The following SLC49A3 variants were observed in gnomAD, a reference collection of about 807,000 sequenced individuals.
SLC49A3 encodes solute carrier family 49 member 3, also known as solute carrier family 49 member A3.
SLC49A3 carries 50 observed loss-of-function variants against 43.8 expected under a neutral mutation model. The observed-to-expected ratio is 1.14, with a 90% confidence interval of 0.91 to 1.45. The LOEUF is 1.45. Ranked by LOEUF, SLC49A3 falls within the 40% of genes most tolerant of loss-of-function variation. SLC49A3 has a pLI of 0.00. For missense variants in SLC49A3, 906 were observed against 774.1 expected, an observed-to-expected ratio of 1.17 and a Z score of -2.02; for synonymous variants, 413 against 352.0, an observed-to-expected ratio of 1.17 and a Z score of -1.94.
In SLC49A3 at chr4:682,289, G is replaced by A. The variant is rs750157389; in HGVS notation, c.1349C>T (p.Ala450Val). Reference protein sequence around the residue: ...FFHTPYRRLQAESGEPPSTRN... With the variant: ...FFHTPYRRLQVESGEPPSTRN... ...GGTGGAGGGGGGCTCCCCAGACTCG[G>A]CCTGCAGGCGCCGGTATGGGGTGTG... is the stretch of plus-strand genomic sequence containing the variant. The change falls in exon 10 of 10, where the codon GCC (alanine) becomes GTC (valine). Residue 450 changes from alanine (A) to valine (V), a missense_variant. Transcript: ENST00000322224. 1 of 1,350,592 alleles carries A rather than the reference G, an allele frequency of 7.4e-7. No individual in the cohort carries two copies. Among genetic ancestry groups the A allele is most frequent in the South Asian group, 2.1e-5 (1 of 48,274 alleles). The allele number at this position is 1,350,592 out of a possible 1,614,324, so 83.7% of individuals were successfully genotyped here. A position where few individuals can be genotyped will look rare whatever the true frequency, so the allele number is the denominator to read the frequency against.
At chr4:680,211 G>A (rs529002295), downstream of SLC49A3, among the ~76,000 whole-genome samples, 6 of 152,166 alleles carry the variant, frequency 3.9e-5, no homozygotes, top group South Asian at 2.1e-4. Context: ...CCTGCCCCAC[G>A]TGCTGTGTGA....
rs1740363767 is a variant in SLC49A3 at position 683,730 on chromosome 4, A to T, written c.872T>A (p.Ile291Asn). ...GFSGLCGALF[I>N]TFGILGALAL... is the part of the protein sequence containing the mutation. ...CAGTGCCCCCAGGATCCCAAACGTGATGAAGAGAGCGCCACAGAGGCCGGA... is the reference window on the plus strand; with the variant it reads ...CAGTGCCCCCAGGATCCCAAACGTGTTGAAGAGAGCGCCACAGAGGCCGGA... Residue 291 changes from isoleucine to asparagine, a missense_variant, in exon 7 of 10, where the codon ATC (isoleucine) becomes AAC (asparagine). Ile to Asn is a moderately radical substitution (Grantham distance 149). Transcript: ENST00000322224. The T allele has an allele frequency of 6.3e-7, 1 of 1,584,972 alleles. No homozygotes were observed. The highest frequency in any genetic ancestry group is 1.3e-5 in the African/African-American group (1 of 74,492).
chr4:679,200 C>A (rs760572948), downstream of SLC49A3: 121 of 748,992 alleles, frequency 1.6e-4, no homozygotes, highest in Non-Finnish European at 2.8e-5. Flanking sequence ...CCCTTGGTTC[C>A]ATCAGAGCTG....
intron 2 of SLC49A3, 80 bp downstream of exon 2, chr4:686,452 G>A: frequency 6.4e-7 from 1 of 1,568,096 alleles, no homozygotes; most frequent in South Asian, 1.2e-5. Flanking sequence ...CCCCGGTCTG[G>A]GGAGGCCTTG....
chr4:684,477 G>T lies in SLC49A3; in HGVS notation c.840+6C>A. The T allele has an allele frequency of 6.2e-7, 1 of 1,612,650 alleles. No homozygotes were observed. On this transcript the variant is annotated splice_donor_region_variant and intron_variant, in intron 6 of 9. Transcript: ENST00000322224. ...GCAGGGTCCCCAGGGGTGGGGCCAG[G>T]CTCACACTGGAGTGGCCGCTTGCAC... is the stretch of plus-strand genomic sequence containing the variant.
chr4:690,086 C>T (rs1032842830), upstream of SLC49A3, among the ~76,000 whole-genome samples: 3 of 152,244 alleles, frequency 2.0e-5, no homozygotes, highest in Admixed American at 6.5e-5. Flanking sequence ...AAACATTCAT[C>T]TCCTTTGCCA....
chr4:680,689 C>G, downstream of SLC49A3: 1 of 1,220,200 alleles, frequency 8.2e-7, no homozygotes, highest in Non-Finnish European at 1.2e-6. Context: ...ACGCCCACCT[C>G]CCCACCTCTG....
At chr4:677,156 C>T (rs975503731), downstream of SLC49A3, among the ~76,000 whole-genome samples, 17 of 152,220 alleles carry the variant, frequency 1.1e-4, no homozygotes, top group African/African-American at 2.4e-5. Context: ...CACGCAGACG[C>T]AGGCCTGGGG....
At chr4:690,689 G>T (rs936827843), upstream of SLC49A3, among the ~76,000 whole-genome samples, 3 of 152,188 alleles carry the variant, frequency 2.0e-5, no homozygotes, top group South Asian at 6.2e-4. Context: ...TCTGTTGAGC[G>T]TGCATTGTCG....
At chr4:680,321 C>T (rs113409529), downstream of SLC49A3, among the ~76,000 whole-genome samples, 2 of 152,318 alleles carry the variant, frequency 1.3e-5, no homozygotes, top group African/African-American at 2.4e-5. Context: ...CACCCCAGGG[C>T]AGGAGTGCCC....
At chr4:678,670 A>G (rs199844275), downstream of SLC49A3, 134 of 1,609,058 alleles carry the variant, frequency 8.3e-5, no homozygotes, top group Non-Finnish European at 9.8e-5. Flanking sequence ...CAGCAGGAAG[A>G]CCAAGAAGAA....
Position 681,878 on chromosome 4 carries a change from C to A in SLC49A3, c.*80G>T, listed in dbSNP as rs759271484. 9 of 1,311,784 alleles carry A rather than the reference C, an allele frequency of 6.9e-6. No individual in the cohort carries two copies. The South Asian group carries it at 1.2e-4, about 17-fold the overall frequency. 81.3% of individuals were successfully genotyped at this position (1,311,784 alleles called of 1,614,324 possible). A position where few individuals can be genotyped will look rare whatever the true frequency, so the allele number is the denominator to read the frequency against. Reference sequence around the variant, plus strand: ...TCCCGGAGCCCGCAAGGAGCCCTTTCGCCCCCGCCCGCAGGTGGACCAGAT... The same window carrying A: ...TCCCGGAGCCCGCAAGGAGCCCTTTAGCCCCCGCCCGCAGGTGGACCAGAT... On this transcript the variant is annotated 3_prime_UTR_variant, in exon 10 of 10. Transcript: ENST00000322224.
chr4:681,795 C>T, downstream of SLC49A3: 1 of 1,240,402 alleles, frequency 8.1e-7, no homozygotes. Context: ...CCCCGCTCCC[C>T]CTCCCGCGGC....
At position 685,922 on chromosome 4, in the gene SLC49A3, G is replaced by A. The variant is rs1304856965; in HGVS notation, c.509-11C>T. On this transcript the variant is annotated splice_polypyrimidine_tract_variant and intron_variant, in intron 3 of 9. Coordinates refer to ENST00000322224, the MANE Select transcript of SLC49A3 (RefSeq NM_032219.4). The surrounding 1 kb of genome is among the most constrained non-coding windows in gnomAD (Gnocchi z 4.3). ...CGCCCAGAGGGTTCGCTGGGTGGGC[G>A]GATGCACAAAGTGTCAGCTCGGCTG... is the stretch of plus-strand genomic sequence containing the variant. 10 of 1,613,740 alleles carry A rather than the reference G, an allele frequency of 6.2e-6. No individual in the cohort carries two copies. The highest frequency in any genetic ancestry group is 1.6e-4 in the Middle Eastern group (1 of 6,084).
At position 683,709 on chromosome 4, in the gene SLC49A3, G is replaced by A. The variant is rs1166429936; in HGVS notation, c.893C>T (p.Ala298Val). The A allele has an allele frequency of 2.5e-6, 4 of 1,596,416 alleles. No homozygotes were observed. The African/African-American group carries it at 5.4e-5, about 21-fold the overall frequency. Residue 298 changes from alanine (A) to valine (V), a missense_variant, in exon 7 of 10, where the codon GCA becomes GTA. Coordinates refer to ENST00000322224, the MANE Select transcript of SLC49A3 (RefSeq NM_032219.4). ...GTCCACATAGGGGCCGAGAGCCAGT[G>A]CCCCCAGGATCCCAAACGTGATGAA... ...ALFITFGILG[A>V]LALGPYVDRT...
downstream of SLC49A3, chr4:678,290 G>C: frequency 7.0e-7 from 1 of 1,434,878 alleles, no homozygotes; most frequent in East Asian, 2.6e-5. Flanking sequence ...AGGATGAGGG[G>C]GTTCCTGGCT....
intron 7 of SLC49A3, 66 bp downstream of exon 7, chr4:683,543 C>T (rs1012624990): frequency 3.2e-5 from 50 of 1,544,920 alleles, no homozygotes; most frequent in South Asian, 1.9e-4. Flanking sequence ...AGCCGCCAAC[C>T]GCCCTCTCCG....
chr4:689,714 G>GT (rs1400949826), upstream of SLC49A3, among the ~76,000 whole-genome samples: 6 of 152,262 alleles, frequency 3.9e-5, no homozygotes, highest in Non-Finnish European at 8.8e-5. Context: ...CCACCCTGGG[G>GT]TAGGCAGTCC....
chr4:683,874 A>T, intron 6 of SLC49A3, 113 bp from the exon 7 acceptor site: 1 of 1,316,314 alleles, frequency 7.6e-7, no homozygotes, highest in Non-Finnish European at 1.0e-6. Context: ...AGGCCCAGGC[A>T]TAGCAACACA....
Sources: allele counts gnomAD v4.1 joint callset (sites outside exome capture counted in the v4.1 genomes callset), GRCh38; gene constraint gnomAD v4.1.1; non-coding constraint Gnocchi (gnomAD v3.1); transcripts MANE v1.5; gene names NCBI Gene and HGNC (gene_info 2026-07-23, HGNC 2026-07-21).